ADK: variants seen among roughly 807,000 people sequenced by gnomAD.
ADK encodes the protein adenosine kinase.
Under a neutral mutation model 44.7 loss-of-function variants are expected in ADK, and 24 were observed. The ratio of observed to expected loss-of-function variants is 0.54; its 90% CI spans 0.39 to 0.76. The LOEUF (loss-of-function observed/expected upper bound fraction) is 0.76. Among genes scored for constraint, ADK ranks in the 30% least tolerant of loss-of-function variants. ADK has a pLI of 0.00. For missense variants in ADK, 321 were observed against 425.1 expected (o/e 0.76, Z 2.15); for synonymous variants, 128 against 142.6 (o/e 0.90, Z 0.73).
At chr10:74,618,121 T>G (rs1009199374) in intron 9 of ADK, among the ~76,000 whole-genome samples, 3 of 152,172 alleles carry the variant, frequency 2.0e-5, no homozygotes, top group Non-Finnish European at 2.9e-5. Context: ...TTGTTGTTTT[T>G]TAATTAATTC....
intron 6 of ADK, among the ~76,000 whole-genome samples, chr10:74,499,454 C>T (rs534544005): frequency 9.4e-4 from 143 of 152,134 alleles, no homozygotes; most frequent in African/African-American, 3.1e-3. Flanking sequence ...TTTGGGAGGC[C>T]GAGGCGGGTG....
intron 9 of ADK, among the ~76,000 whole-genome samples, chr10:74,622,967 A>G (rs1268727193): frequency 2.0e-5 from 3 of 152,160 alleles, no homozygotes; most frequent in Non-Finnish European, 4.4e-5. Context: ...AGATCACACT[A>G]TTGCACTCTA....
rs185054847 is a variant in ADK at position 74,558,432 on chromosome 10, G to T, written c.727-30850G>T. Among the ~76,000 whole-genome samples, 33 of 152,302 alleles carry T rather than the reference G, an allele frequency of 2.2e-4. 1 individual carries two copies. Among genetic ancestry groups the T allele is most frequent in the Middle Eastern group, 6.8e-3 (2 of 294 alleles). On this transcript the variant is annotated intron_variant, in intron 7 of 10. Transcript: ENST00000539909. ...ACCTGGCGAGAGGTGCTTGGATCAT[G>T]GGGGCAGTTTTCCCCATGCTGTTCT...
intron 10 of ADK, among the ~76,000 whole-genome samples, chr10:74,695,069 G>A (rs985172249): frequency 2.0e-5 from 3 of 152,012 alleles, no homozygotes; most frequent in South Asian, 4.1e-4. Flanking sequence ...TGGCAACTCT[G>A]TTGTAGCTCA....
chr10:74,280,435 C>T (rs909705604), intron 3 of ADK, among the ~76,000 whole-genome samples: 4 of 151,930 alleles, frequency 2.6e-5, no homozygotes, highest in African/African-American at 9.7e-5. Context: ...CACACACACA[C>T]ACACACACAC....
chr10:74,241,467 C>T (rs1240820278), intron 3 of ADK, among the ~76,000 whole-genome samples: 2 of 152,058 alleles, frequency 1.3e-5, no homozygotes, highest in Non-Finnish European at 2.9e-5. Flanking sequence ...CTCACTGCAA[C>T]CTCTATCTCC....
intron 7 of ADK, among the ~76,000 whole-genome samples, chr10:74,574,856 A>G (rs1277243775): frequency 1.3e-5 from 2 of 152,246 alleles, no homozygotes; most frequent in Non-Finnish European, 2.9e-5. Flanking sequence ...CTTTGTAAGC[A>G]AAGATTCTAC....
At chr10:74,342,394 A>G (rs1841609338) in intron 4 of ADK, among the ~76,000 whole-genome samples, 1 of 152,150 alleles carries the variant, frequency 6.6e-6, no homozygotes, top group Non-Finnish European at 1.5e-5. Context: ...TTTTGATGCT[A>G]TTGTAAGTGG....
chr10:74,187,923 G>C (rs540280718), intron 1 of ADK, among the ~76,000 whole-genome samples: 3 of 152,258 alleles, frequency 2.0e-5, no homozygotes, highest in South Asian at 4.2e-4. Flanking sequence ...AATTATTGTA[G>C]CTTTATAAGA....
At chr10:74,527,461 A>T in intron 7 of ADK, 2 of 532,690 alleles carry the variant, frequency 3.8e-6, no homozygotes, top group Non-Finnish European at 6.8e-6. Context: ...AAAAAATGCT[A>T]TTTGGACTTT....
At chr10:74,594,151 A>G (rs1327799573) in intron 8 of ADK, among the ~76,000 whole-genome samples, 1 of 149,112 alleles carries the variant, frequency 6.7e-6, no homozygotes, top group African/African-American at 2.5e-5. Context: ...ACACATGGAC[A>G]CAGGGAGGGC....
At chr10:74,607,902 C>G (rs1589293173) in intron 9 of ADK, among the ~76,000 whole-genome samples, 1 of 151,864 alleles carries the variant, frequency 6.6e-6, no homozygotes, top group East Asian at 1.9e-4. Context: ...TCATATAGTC[C>G]CATATTTCTT....
chr10:74,500,203 C>T (rs1222775459), intron 6 of ADK, among the ~76,000 whole-genome samples: 1 of 152,150 alleles, frequency 6.6e-6, no homozygotes, highest in Non-Finnish European at 1.5e-5. Context: ...TTAGAACTGC[C>T]TCTTGGAACA....
intron 4 of ADK, among the ~76,000 whole-genome samples, chr10:74,351,368 C>A (rs1371046802): frequency 2.0e-5 from 3 of 152,150 alleles, no homozygotes; most frequent in African/African-American, 7.2e-5. Flanking sequence ...TAAAATTAAA[C>A]ATCCTTCATG....
chr10:74,474,403 T>G lies in ADK; in HGVS notation c.556-50853T>G, dbSNP rs575053543. Among the ~76,000 whole-genome samples the G allele has an allele frequency of 2.7e-4, 41 of 152,364 alleles. No individual in the cohort carries two copies. In the South Asian group the frequency reaches 8.3e-3, roughly 31 times the overall value. On this transcript the variant is annotated intron_variant, in intron 6 of 10. Coordinates refer to ENST00000539909, the MANE Select transcript of ADK (RefSeq NM_006721.4). Reference sequence around the variant, plus strand: ...CATGTGTGACCCACCACACCTACTCTGTATTCGTTTTTTACAAATTCAGTA... The same window carrying G: ...CATGTGTGACCCACCACACCTACTCGGTATTCGTTTTTTACAAATTCAGTA...
chr10:74,340,085 A>G (rs1487640548), intron 4 of ADK, among the ~76,000 whole-genome samples: 1 of 152,172 alleles, frequency 6.6e-6, no homozygotes, highest in Non-Finnish European at 1.5e-5. Context: ...TTTCATGTAC[A>G]TAGGAGGGAA....
At chr10:74,497,107 C>G (rs1161499224) in intron 6 of ADK, among the ~76,000 whole-genome samples, 2 of 152,168 alleles carry the variant, frequency 1.3e-5, no homozygotes, top group East Asian at 3.8e-4. Context: ...CGGGCGCCAC[C>G]TTGCCTAGCT....
chr10:74,333,814 A>G (rs1284971983), intron 4 of ADK, among the ~76,000 whole-genome samples: 1 of 152,180 alleles, frequency 6.6e-6, no homozygotes, highest in African/African-American at 2.4e-5. Context: ...TCAAATGAAT[A>G]CTGTAAACAT....
chr10:74,479,334 A>G (rs916131075), intron 6 of ADK, among the ~76,000 whole-genome samples: 3 of 149,620 alleles, frequency 2.0e-5, no homozygotes, highest in African/African-American at 7.4e-5. Flanking sequence ...TCTGTTTTCT[A>G]CTATTCCCAC....
Sources: allele counts gnomAD v4.1 joint callset (sites outside exome capture counted in the v4.1 genomes callset), GRCh38; gene constraint gnomAD v4.1.1; transcripts MANE v1.5; gene names NCBI Gene and HGNC (gene_info 2026-07-23, HGNC 2026-07-21).